Variants in ROBO2 observed in about 807,000 individuals in gnomAD.
ROBO2 encodes roundabout guidance receptor 2.
ROBO2 carries 53 observed loss-of-function variants against 160.8 expected under a neutral mutation model. That is an observed-to-expected ratio of 0.33 (90% CI 0.26 to 0.41). The LOEUF (loss-of-function observed/expected upper bound fraction) is 0.41. Ranked by LOEUF, ROBO2 falls within the 10% of genes least tolerant of loss-of-function variation. The probability of loss-of-function intolerance (pLI) is 1.00; values close to 1 mark genes in which losing one functional copy is unlikely to be tolerated. For missense variants in ROBO2, 1,577 were observed against 1,722.4 expected (o/e 0.92, Z 1.49); for synonymous variants, 664 against 611.7 (o/e 1.09, Z -1.26).
chr3:76,937,931 GA>G (rs2077824543), intron 2 of ROBO2, among the ~76,000 whole-genome samples: 1 of 152,062 alleles, frequency 6.6e-6, no homozygotes, highest in African/African-American at 2.4e-5. Flanking sequence ...GTTCTGTTTG[GA>G]ATATTAACAA....
chr3:76,798,815 A>G (rs1306945318), intron 2 of ROBO2, among the ~76,000 whole-genome samples: 1 of 151,942 alleles, frequency 6.6e-6, no homozygotes, highest in Non-Finnish European at 1.5e-5. Context: ...ATTGGTTGAG[A>G]CTGGAAAGTT....
At chr3:77,243,971 A>G (rs1277037225) in intron 2 of ROBO2, among the ~76,000 whole-genome samples, 1 of 152,184 alleles carries the variant, frequency 6.6e-6, no homozygotes, top group Non-Finnish European at 1.5e-5. Flanking sequence ...TTTTCATAGT[A>G]TAGGATGTAC....
At chr3:76,548,856 C>T (rs1033269507) in intron 2 of ROBO2, among the ~76,000 whole-genome samples, 7 of 152,078 alleles carry the variant, frequency 4.6e-5, no homozygotes, top group Non-Finnish European at 8.8e-5. Flanking sequence ...AATGTATGAC[C>T]GTGGGAAGAG....
intron 2 of ROBO2, among the ~76,000 whole-genome samples, chr3:76,461,958 A>T (rs953980293): frequency 6.6e-6 from 1 of 152,122 alleles, no homozygotes; most frequent in Non-Finnish European, 1.5e-5. Flanking sequence ...GACCAGATTA[A>T]GTCCCTTCAG....
intron 1 of ROBO2, among the ~76,000 whole-genome samples, chr3:75,922,549 C>T (rs1019936553): frequency 6.6e-6 from 1 of 151,396 alleles, no homozygotes; most frequent in East Asian, 1.9e-4. Context: ...ATTAGTAGTC[C>T]AATAAAAAAA....
chr3:76,547,298 T>TA (rs138130624), intron 2 of ROBO2, among the ~76,000 whole-genome samples: 11,157 of 152,098 alleles, frequency 0.073, 628 homozygotes, highest in African/African-American at 0.16. Context: ...TGCTGTCAGA[T>TA]AACCTTGTTC....
chr3:76,148,314 C>T (rs2071998434), intron 2 of ROBO2, among the ~76,000 whole-genome samples: 1 of 152,002 alleles, frequency 6.6e-6, no homozygotes, highest in Non-Finnish European at 1.5e-5. Flanking sequence ...CCTAGATATA[C>T]ACCATCTATC....
intron 2 of ROBO2, among the ~76,000 whole-genome samples, chr3:76,057,155 A>G (rs73842926): frequency 0.021 from 3,124 of 152,196 alleles, 44 homozygotes; most frequent in East Asian, 0.081. Context: ...ACCTTCTAAG[A>G]CCTTTTATTT....
chr3:76,016,129 T>C (rs2066397792), intron 2 of ROBO2, among the ~76,000 whole-genome samples: 1 of 152,044 alleles, frequency 6.6e-6, no homozygotes, highest in South Asian at 2.1e-4. Context: ...AAATAAAAAT[T>C]ATACCCCATT....
At chr3:77,107,950 C>T in intron 2 of ROBO2, among the ~76,000 whole-genome samples, 1 of 151,656 alleles carries the variant, frequency 6.6e-6, no homozygotes, top group East Asian at 1.9e-4. Flanking sequence ...TTTCTTCTTG[C>T]TTTCTTTGCT....
At chr3:76,260,721 C>T (rs774784328) in intron 2 of ROBO2, among the ~76,000 whole-genome samples, 3 of 152,046 alleles carry the variant, frequency 2.0e-5, no homozygotes, top group African/African-American at 7.2e-5. Flanking sequence ...TAAGAGAGCA[C>T]AGTTAGTTCA....
At chr3:77,141,265 A>G (rs925748997) in intron 2 of ROBO2, among the ~76,000 whole-genome samples, 1 of 151,748 alleles carries the variant, frequency 6.6e-6, no homozygotes, top group African/African-American at 2.4e-5. Context: ...ATATGCTAAG[A>G]TGGGATGTAC....
At chr3:77,616,887 A>C (rs1389198744) in intron 21 of ROBO2, among the ~76,000 whole-genome samples, 1 of 152,148 alleles carries the variant, frequency 6.6e-6, no homozygotes, top group African/African-American at 2.4e-5. Flanking sequence ...ACTACAATAA[A>C]AGTATTATTT....
intron 1 of ROBO2, among the ~76,000 whole-genome samples, chr3:75,915,702 T>G (rs1281368717): frequency 8.5e-5 from 13 of 152,116 alleles, no homozygotes; most frequent in Admixed American, 8.5e-4. Flanking sequence ...TGCATAGGAC[T>G]TGATTTAGAT....
chr3:77,342,794 A>T (rs538262886), intron 2 of ROBO2, among the ~76,000 whole-genome samples: 1 of 152,302 alleles, frequency 6.6e-6, no homozygotes, highest in East Asian at 1.9e-4. Context: ...GTTTTACCTT[A>T]TACCTTTATG....
intron 2 of ROBO2, among the ~76,000 whole-genome samples, chr3:76,538,548 C>T (rs574069647): frequency 6.6e-6 from 1 of 152,286 alleles, no homozygotes; most frequent in South Asian, 2.1e-4. Context: ...AAACCTCTCA[C>T]ACCTTGGACT....
At chr3:76,002,315 A>G (rs998244860) in intron 2 of ROBO2, among the ~76,000 whole-genome samples, 1 of 152,274 alleles carries the variant, frequency 6.6e-6, no homozygotes. Flanking sequence ...GCCAAGCGAT[A>G]TGGTTTGGCT....
At chr3:77,204,761 G>A (rs767774416) in intron 2 of ROBO2, among the ~76,000 whole-genome samples, 7 of 152,162 alleles carry the variant, frequency 4.6e-5, no homozygotes, top group South Asian at 2.1e-4. Flanking sequence ...AAAAACATAC[G>A]CTTCAAGACA....
intron 12 of ROBO2, among the ~76,000 whole-genome samples, chr3:77,567,831 T>A (rs1190031357): frequency 6.6e-6 from 1 of 152,012 alleles, no homozygotes; most frequent in African/African-American, 2.4e-5. Context: ...CTGAAGTAGG[T>A]CAAGAAGAAA....
Sources: allele counts gnomAD v4.1 joint callset (sites outside exome capture counted in the v4.1 genomes callset), GRCh38; gene constraint gnomAD v4.1.1; transcripts MANE v1.5; gene names NCBI Gene and HGNC (gene_info 2026-07-23, HGNC 2026-07-21).